Variants in CDH18 observed in about 807,000 individuals in gnomAD.
CDH18 encodes the protein cadherin-18.
A neutral mutation model predicts 67.9 loss-of-function variants in CDH18; 31 were observed. The ratio of observed to expected loss-of-function variants is 0.46; its 90% CI spans 0.34 to 0.62. The LOEUF is 0.62. Among genes scored for constraint, CDH18 ranks in the 20% least tolerant of loss-of-function variants. The probability of loss-of-function intolerance (pLI) is 0.01; values close to 1 mark genes in which losing one functional copy is unlikely to be tolerated. For missense variants in CDH18, 890 were observed against 975.5 expected, an observed-to-expected ratio of 0.91 and a Z score of 1.17; for synonymous variants, 362 against 347.2, an observed-to-expected ratio of 1.04 and a Z score of -0.48.
intron 1 of CDH18, chr5:20,305,551 G>A (rs1387355577): frequency 4.1e-6 from 3 of 723,348 alleles, no homozygotes; most frequent in South Asian, 1.5e-5. Context: ...TGGTGGTCGC[G>A]GGGCTGAGGG....
At chr5:19,615,925 TACTC>T (rs1749752927) in intron 5 of CDH18, among the ~76,000 whole-genome samples, 2 of 152,214 alleles carry the variant, frequency 1.3e-5, no homozygotes. Context: ...TTTATTTATT[TACTC>T]ACTTACTGAA....
rs535874649 is a variant in CDH18, at chr5:19,738,035, T to A, written c.523+8907A>T. On this transcript the variant is annotated intron_variant, in intron 4 of 12. Transcript: ENST00000382275. ...TCGATTCATGAATGGATATGATAAATATAGAAAAAATGTCACATTTAAGAA... is the reference window on the plus strand; with the variant it reads ...TCGATTCATGAATGGATATGATAAAAATAGAAAAAATGTCACATTTAAGAA... Among the ~76,000 whole-genome samples the A allele has an allele frequency of 2.4e-3, 369 of 152,224 alleles. 1 individual carries two copies. The highest frequency in any genetic ancestry group is 8.4e-3 in the African/African-American group (350 of 41,564).
intron 2 of CDH18, among the ~76,000 whole-genome samples, chr5:20,006,080 T>C (rs1227040587): frequency 6.6e-6 from 1 of 151,902 alleles, no homozygotes; most frequent in Non-Finnish European, 1.5e-5. Flanking sequence ...CTACATAATA[T>C]GTCACAAGAT....
At chr5:19,675,836 T>G (rs192233196) in intron 5 of CDH18, among the ~76,000 whole-genome samples, 16 of 151,956 alleles carry the variant, frequency 1.1e-4, no homozygotes, top group Non-Finnish European at 2.4e-4. Context: ...TGTTCAGAGA[T>G]TGAAGTAAAG....
chr5:19,866,088 G>T (rs1785456971), intron 2 of CDH18, among the ~76,000 whole-genome samples: 1 of 152,052 alleles, frequency 6.6e-6, no homozygotes. Flanking sequence ...ATTGTTTAAG[G>T]CATAAACTTG....
intron 4 of CDH18, among the ~76,000 whole-genome samples, chr5:19,732,151 C>A (rs756136142): frequency 1.8e-4 from 27 of 150,808 alleles, no homozygotes; most frequent in Non-Finnish European, 3.5e-4. Context: ...AGTGCCTTCC[C>A]ATAATTTAAA....
rs111891920 is a variant in CDH18 at position 20,462,361 on chromosome 5, A to G, written c.-580+113101T>C. 7.0e-3 allele frequency among the ~76,000 whole-genome samples: 1,070 copies of G among 152,292 alleles called. 13 individuals are homozygous for G. The highest frequency in any genetic ancestry group is 0.025 in the African/African-American group (1,020 of 41,560). On this transcript the variant is annotated intron_variant, in intron 1 of 14. Coordinates refer to the CDH18 transcript ENST00000507958. ...ACAGAAACCAGAGCCTGGGAAGAGT[A>G]TATAGAGGTGGAAGATGAGAAGAGG...
chr5:20,463,135 A>G (rs1359045571), intron 1 of CDH18, among the ~76,000 whole-genome samples: 1 of 152,122 alleles, frequency 6.6e-6, no homozygotes, highest in Non-Finnish European at 1.5e-5. Flanking sequence ...TGTAAACACA[A>G]TAGACAAGGA....
At chr5:19,478,003 A>T (rs1738772344) in intron 12 of CDH18, among the ~76,000 whole-genome samples, 1 of 152,118 alleles carries the variant, frequency 6.6e-6, no homozygotes, top group Admixed American at 6.6e-5. Flanking sequence ...AGAATTTTAA[A>T]TGCCCGTGAG....
At chr5:19,727,614 C>A (rs1767011184) in intron 4 of CDH18, among the ~76,000 whole-genome samples, 1 of 152,060 alleles carries the variant, frequency 6.6e-6, no homozygotes, top group African/African-American at 2.4e-5. Flanking sequence ...TAGGGCAACT[C>A]TAGCAAATGA....
At chr5:20,064,168 TA>T (rs1477210079) in intron 2 of CDH18, among the ~76,000 whole-genome samples, 1 of 152,170 alleles carries the variant, frequency 6.6e-6, no homozygotes, top group East Asian at 1.9e-4. Flanking sequence ...AAATTTTCTC[TA>T]AAGTCTTAGC....
chr5:19,756,270 G>A (rs1771591350), intron 3 of CDH18, among the ~76,000 whole-genome samples: 1 of 152,128 alleles, frequency 6.6e-6, no homozygotes, highest in Non-Finnish European at 1.5e-5. Flanking sequence ...CTTCATACAA[G>A]TGTATACATG....
intron 1 of CDH18, among the ~76,000 whole-genome samples, chr5:20,432,907 T>C (rs964906992): frequency 7.4e-5 from 11 of 149,172 alleles, no homozygotes; most frequent in Non-Finnish European, 1.3e-4. Context: ...ATATAATATA[T>C]ATTTTAGGCC....
intron 2 of CDH18, among the ~76,000 whole-genome samples, chr5:19,854,866 T>A (rs1784090267): frequency 6.6e-6 from 1 of 150,676 alleles, no homozygotes; most frequent in South Asian, 2.1e-4. Flanking sequence ...CCATTCCCCC[T>A]TTATCCCCCT....
intron 2 of CDH18, among the ~76,000 whole-genome samples, chr5:20,095,439 GAAA>G (rs1561786251): frequency 2.5e-4 from 30 of 117,712 alleles, no homozygotes; most frequent in African/African-American, 9.2e-4. Flanking sequence ...AAGAAAGAAA[GAAA>G]GAAAAGAAAG....
At chr5:20,451,516 GA>G (rs1421613034) in intron 1 of CDH18, among the ~76,000 whole-genome samples, 1 of 152,162 alleles carries the variant, frequency 6.6e-6, no homozygotes, top group Non-Finnish European at 1.5e-5. Context: ...AATAAATGGA[GA>G]AAAATATTTT....
chr5:20,292,269 A>G (rs1747159645), intron 1 of CDH18, among the ~76,000 whole-genome samples: 1 of 152,186 alleles, frequency 6.6e-6, no homozygotes, highest in Non-Finnish European at 1.5e-5. Context: ...TTTTCACTTG[A>G]TGGTTCAATT....
intron 3 of CDH18, among the ~76,000 whole-genome samples, chr5:19,793,304 A>G (rs1459412435): frequency 6.6e-6 from 1 of 152,146 alleles, no homozygotes; most frequent in African/African-American, 2.4e-5. Flanking sequence ...CCAGTAATTA[A>G]CATTTTTCTA....
At chr5:19,653,922 T>C (rs1755945558) in intron 5 of CDH18, among the ~76,000 whole-genome samples, 1 of 152,174 alleles carries the variant, frequency 6.6e-6, no homozygotes, top group Non-Finnish European at 1.5e-5. Flanking sequence ...TTCTCACCAA[T>C]AAGGCCCTCT....
Sources: gnomAD v4.1 joint callset for allele counts (sites outside exome capture counted in the v4.1 genomes callset) on GRCh38, gnomAD v4.1.1 for gene constraint, MANE v1.5 for transcripts, NCBI Gene and HGNC (gene_info 2026-07-23, HGNC 2026-07-21) for gene names.